Variants in PDGFRB observed in about 807,000 individuals in gnomAD.
The protein encoded by PDGFRB is platelet-derived growth factor receptor beta.
A neutral mutation model predicts 120.2 loss-of-function variants in PDGFRB; 42 were observed. The ratio of observed to expected loss-of-function variants is 0.35; its 90% CI spans 0.27 to 0.45. PDGFRB has a LOEUF of 0.45. PDGFRB is among the 20% of genes least tolerant of loss of function. The probability of loss-of-function intolerance (pLI) is 1.00; values close to 1 mark genes in which losing one functional copy is unlikely to be tolerated. For missense variants in PDGFRB, 1,149 were observed against 1,476.3 expected (o/e 0.78, Z 3.63); for synonymous variants, 586 against 606.8 (o/e 0.97, Z 0.50).
At chr5:150,134,112 G>A (rs1011316809) in intron 4 of PDGFRB, 104 bp from the exon 5 acceptor site, 2 of 1,010,238 alleles carry the variant, frequency 2.0e-6, no homozygotes. Flanking sequence ...GATGACTGAT[G>A]TAGAAGATTC....
chr5:150,129,005 A>C (rs1457045955), intron 10 of PDGFRB, among the ~76,000 whole-genome samples: 1 of 152,220 alleles, frequency 6.6e-6, no homozygotes, highest in Non-Finnish European at 1.5e-5. Flanking sequence ...GCATCAAGAC[A>C]CTGGTAGGCA....
rs1760444410 is a variant in PDGFRB at position 150,130,786 on chromosome 5, CA to C, written c.1244-125del. 3 of 780,780 alleles carry C rather than the reference CA, an allele frequency of 3.8e-6. No homozygotes were observed. The South Asian group carries it at 4.6e-5, about 12-fold the overall frequency. 48.4% of individuals were successfully genotyped at this position (780,780 alleles called of 1,614,324 possible). On this transcript the variant is annotated intron_variant, in intron 8 of 22. Transcript: ENST00000261799. ...AGGAGGGCTGTAGACTGCAGGTGAA[CA>C]TTAAATACCAGGAATCAGTGTGAAA...
Position 150,135,830 on chromosome 5 carries a change from G to C in PDGFRB, c.89C>G (p.Ser30Cys), listed in dbSNP as rs561937933. 2.6e-6 allele frequency: 4 copies of C among 1,551,978 alleles called. 1 individual carries two copies. The African/African-American group carries it at 5.5e-5, about 21-fold the overall frequency. Reference sequence around the variant, plus strand: ...CGGGGGTGTGACGACCAGGCCCTGAGAGATCTGTGGTTCCAGAAGTAACAG... The same window carrying C: ...CGGGGGTGTGACGACCAGGCCCTGACAGATCTGTGGTTCCAGAAGTAACAG... ...SLLLLLEPQI[S>C]QGLVVTPPGP... The change falls in exon 3 of 23, where the codon TCT (serine) becomes TGT (cysteine). Residue 30 changes from serine (S) to cysteine (C), a missense_variant. By Grantham distance (112) the Ser-to-Cys change is moderately radical. This residue lies in a region of PDGFRB where 879 missense variants were observed against 1,108.6 expected (regional missense o/e 0.79). Coordinates refer to ENST00000261799, the MANE Select transcript of PDGFRB (RefSeq NM_002609.4).
At position 150,121,898 on chromosome 5, in the gene PDGFRB, C is replaced by G; in HGVS notation, c.2326G>C (p.Asp776His). 1 of 1,613,332 alleles carries G rather than the reference C, an allele frequency of 6.2e-7. No homozygotes were observed. ...CACCCACCAGAGGGAACGTAGTTAT[C>G]GTAAGGGGCCATGTAGTTGGAGGAC... is the stretch of plus-strand genomic sequence containing the variant. The part of the protein sequence containing the change: ...IESSNYMAPY[D>H]NYVPSAPERT... The change falls in exon 16 of 23, where the codon GAT becomes CAT. Residue 776 changes from aspartate to histidine, a missense_variant. Physicochemically the swap from Asp to His is moderately conservative, Grantham distance 81 (BLOSUM62 -1). Around this residue, in one of 3 missense-constraint regions of PDGFRB, gnomAD observed 879 missense variants for 1,108.6 expected, o/e 0.79. Transcript: ENST00000261799. The surrounding 1 kb of genome is among the most constrained non-coding windows in gnomAD (Gnocchi z 4.1).
rs575368860 is a variant in PDGFRB, at chr5:150,114,004, G to GT, written c.*1758dup. 270 of 233,516 alleles carry GT rather than the reference G, an allele frequency of 1.2e-3. No homozygotes were observed. Among genetic ancestry groups the GT allele is most frequent in the African/African-American group, 5.6e-3 (255 of 45,482 alleles). 14.5% of individuals were successfully genotyped at this position (233,516 alleles called of 1,614,324 possible). On this transcript the variant is annotated 3_prime_UTR_variant, in exon 23 of 23. Coordinates refer to ENST00000261799, the MANE Select transcript of PDGFRB (RefSeq NM_002609.4). Reference sequence around the variant, plus strand: ...CCTAGGTGATTATATCTTTGGTACCGTATTGAGAACCCACTCTCCCTCCTT... The same window carrying GT: ...CCTAGGTGATTATATCTTTGGTACCGTTATTGAGAACCCACTCTCCCTCCTT...
rs748070924 is a variant in PDGFRB, at chr5:150,133,780, A to G, written c.760-20T>C. 6.2e-7 allele frequency: 1 copy of G among 1,613,082 alleles called. No homozygotes were observed. The highest frequency in any genetic ancestry group is 2.2e-5 in the East Asian group (1 of 44,856). ...CCCACTCTGCAGCAACAGGTTGGGC[A>G]GGCCCCCCAAATCAGGAGGGGCCGG... On this transcript the variant is annotated intron_variant, in intron 5 of 22. Coordinates refer to ENST00000261799, the MANE Select transcript of PDGFRB (RefSeq NM_002609.4).
At chr5:150,127,073 CTGAG>C (rs1291055114) in intron 10 of PDGFRB, among the ~76,000 whole-genome samples, 1 of 152,356 alleles carries the variant, frequency 6.6e-6, no homozygotes, top group East Asian at 1.9e-4. Context: ...GGCCGGTGGA[CTGAG>C]TGAGTGGCCA....
Position 150,135,636 on chromosome 5 carries a change from T to C in PDGFRB, c.283A>G (p.Thr95Ala). The C allele has an allele frequency of 6.2e-7, 1 of 1,613,940 alleles. No individual in the cohort carries two copies. Among genetic ancestry groups the C allele is most frequent in the East Asian group, 2.2e-5 (1 of 44,882 alleles). Residue 95 changes from threonine (T) to alanine (A), a missense_variant, in exon 3 of 23, where the codon ACG (threonine) becomes GCG (alanine). This residue lies in a region of PDGFRB where 879 missense variants were observed against 1,108.6 expected (regional missense o/e 0.79). Coordinates refer to ENST00000261799, the MANE Select transcript of PDGFRB (RefSeq NM_002609.4). The part of the protein sequence containing the change: ...LTLTNLTGLD[T>A]GEYFCTHNDS... The stretch of plus-strand genomic sequence containing the variant: ...TTGTGGGTGCAAAAGTATTCTCCCG[T>C]GTCTAGCCCAGTGAGGTTGGTCAGT...
In PDGFRB at chr5:150,117,759, C is replaced by T. The variant is rs987244289; in HGVS notation, c.2996G>A (p.Arg999Gln). Residue 999 changes from arginine to glutamine, a missense_variant, in exon 22 of 23, where the codon CGA (arginine) becomes CAA (glutamine). Arg to Gln is a conservative substitution (Grantham distance 43). Coordinates refer to ENST00000261799, the MANE Select transcript of PDGFRB (RefSeq NM_002609.4). ...GACGGAGCTGGTGTCCAGGGGAGAT[C>T]GGAGGCCATGGAACCCAGGCAAGCG... ...QARLPGFHGLRSPLDTSSVLY... is the reference protein window; with the variant it reads ...QARLPGFHGLQSPLDTSSVLY... 2 of 1,613,474 alleles carry T rather than the reference C, an allele frequency of 1.2e-6. No homozygotes were observed. The highest frequency in any genetic ancestry group is 1.7e-6 in the Non-Finnish European group (2 of 1,179,652).
rs1759911341 is a variant in PDGFRB, at chr5:150,115,832, T to TCC, written c.3251_3252insGG (p.Leu1086SerfsTer47). On this transcript the variant is annotated frameshift_variant, in exon 23 of 23. Coordinates refer to ENST00000261799, the MANE Select transcript of PDGFRB (RefSeq NM_002609.4). LOFTEE classifies it low-confidence loss of function (END_TRUNC). ...CCGAATCCGGCAACTGTTCCAGCTC[T>TCC]GGCTCCGGCTCCACCTGGAGCTCAA... 5 of 1,612,384 alleles carry TCC rather than the reference T, an allele frequency of 3.1e-6. No individual in the cohort carries two copies. The highest frequency in any genetic ancestry group is 3.4e-6 in the Non-Finnish European group (4 of 1,179,134).
chr5:150,120,109 T>C lies in PDGFRB; in HGVS notation c.2601A>G (p.Leu867=), dbSNP rs246395. The change falls in exon 19 of 23, where the codon TTA becomes TTG. Residue 867 remains leucine, a synonymous_variant. Transcript: ENST00000261799. The surrounding 1 kb of genome is among the most constrained non-coding windows in gnomAD (Gnocchi z 4.3). ...AGATGCTCTCCGGAGCCATCCACTT[T>C]AAAGGCAAAAAGGTCTGTAGGGAGG... The part of the protein sequence containing the change: ...YISKGSTFLP[L]KWMAPESIFN... The C allele has an allele frequency of 0.3, 475,904 of 1,564,366 alleles. 75,004 individuals are homozygous for C. The highest frequency in any genetic ancestry group is 0.37 in the Middle Eastern group (2,197 of 5,954).
At chr5:150,142,368 A>C (rs1481205417) in intron 1 of PDGFRB, among the ~76,000 whole-genome samples, 1 of 152,172 alleles carries the variant, frequency 6.6e-6, no homozygotes, top group East Asian at 1.9e-4. Flanking sequence ...GTCCTGCCAC[A>C]CATTGACCTT....
Position 150,121,042 on chromosome 5 carries a change from G to A in PDGFRB, c.2464-32C>T. ...TTGGGGAGAGGGGAGCTGAGGCCTTGGGGACAATTGTGGGGAAAGACCCTT... is the reference window on the plus strand; with the variant it reads ...TTGGGGAGAGGGGAGCTGAGGCCTTAGGGACAATTGTGGGGAAAGACCCTT... On this transcript the variant is annotated intron_variant, in intron 17 of 22. Transcript: ENST00000261799. This position sits in a 1 kb window ranked among gnomAD's most constrained non-coding sequence, Gnocchi z 4.1. 1 of 1,611,878 alleles carries A rather than the reference G, an allele frequency of 6.2e-7. No homozygotes were observed.
chr5:150,114,787 C>CA lies in PDGFRB; in HGVS notation c.*975dup, dbSNP rs1759872566. The stretch of plus-strand genomic sequence containing the variant: ...AGAATGTTAGTGCTGGCAAGGCACT[C>CA]AGAGTTAATAAGTCCGACTTATTCA... On this transcript the variant is annotated 3_prime_UTR_variant, in exon 23 of 23. Coordinates refer to ENST00000261799, the MANE Select transcript of PDGFRB (RefSeq NM_002609.4). 8.6e-6 allele frequency: 2 copies of CA among 233,652 alleles called. No homozygotes were observed. Among genetic ancestry groups the CA allele is most frequent in the Admixed American group, 1.1e-4 (2 of 17,792 alleles). The allele number at this position is 233,652 out of a possible 1,614,324, so 14.5% of individuals were successfully genotyped here.
intron 1 of PDGFRB, among the ~76,000 whole-genome samples, chr5:150,138,426 C>T (rs1384605521): frequency 6.6e-6 from 1 of 152,322 alleles, no homozygotes; most frequent in East Asian, 1.9e-4. Context: ...ATGGTGAGTA[C>T]CTCACCTACC....
At chr5:150,154,210 A>G (rs1219721559) in intron 1 of PDGFRB, among the ~76,000 whole-genome samples, 1 of 152,174 alleles carries the variant, frequency 6.6e-6, no homozygotes, top group African/African-American at 2.4e-5. Context: ...AGTGATGAGG[A>G]AGGGCATTCC....
Position 150,113,991 on chromosome 5 carries a change from T to A in PDGFRB, c.*1772A>T. On this transcript the variant is annotated 3_prime_UTR_variant, in exon 23 of 23. Transcript: ENST00000261799. ...AAATATTTGTAAACCTAGGTGATTA[T>A]ATCTTTGGTACCGTATTGAGAACCC... 1 of 233,478 alleles carries A rather than the reference T, an allele frequency of 4.3e-6. No individual in the cohort carries two copies. Among genetic ancestry groups the A allele is most frequent in the Admixed American group, 5.6e-5 (1 of 17,788 alleles). 14.5% of individuals were successfully genotyped at this position (233,478 alleles called of 1,614,324 possible). A position where few individuals can be genotyped will look rare whatever the true frequency, so the allele number is the denominator to read the frequency against.
rs531952172 is a variant in PDGFRB at position 150,114,830 on chromosome 5, T to G, written c.*933A>C. On this transcript the variant is annotated 3_prime_UTR_variant, in exon 23 of 23. Transcript: ENST00000261799. ...CTTATTCATTTTTTGAAGGGGAAAC[T>G]GAGGCCCAGAGAGGGTGAGGGATTC... 1 of 233,694 alleles carries G rather than the reference T, an allele frequency of 4.3e-6. No homozygotes were observed. Among genetic ancestry groups the G allele is most frequent in the East Asian group, 6.0e-5 (1 of 16,578 alleles). 14.5% of individuals were successfully genotyped at this position (233,694 alleles called of 1,614,324 possible).
At position 150,155,779 on chromosome 5, in the gene PDGFRB, C is replaced by G; in HGVS notation, c.-389G>C. On this transcript the variant is annotated 5_prime_UTR_variant, in exon 1 of 23. Coordinates refer to ENST00000261799, the MANE Select transcript of PDGFRB (RefSeq NM_002609.4). ...CTCCTCCTCCTTGTTGATCTCCTCT[C>G]TGGCTCCAAGTTGCTCACAGAGCGA... 2 of 398,482 alleles carry G rather than the reference C, an allele frequency of 5.0e-6. No homozygotes were observed. The highest frequency in any genetic ancestry group is 4.4e-5 in the Admixed American group (1 of 22,730). 24.7% of individuals were successfully genotyped at this position (398,482 alleles called of 1,614,324 possible).
Sources: allele counts gnomAD v4.1 joint callset (sites outside exome capture counted in the v4.1 genomes callset), GRCh38; gene constraint gnomAD v4.1.1; regional missense constraint gnomAD v4.1.1; non-coding constraint Gnocchi (gnomAD v3.1); transcripts MANE v1.5; gene names NCBI Gene and HGNC (gene_info 2026-07-23, HGNC 2026-07-21).